The following UBE2QL1 variants were observed in gnomAD, a reference collection of about 807,000 sequenced individuals.
The protein encoded by UBE2QL1 is ubiquitin-conjugating enzyme E2Q-like protein 1.
UBE2QL1 carries 5 observed loss-of-function variants against 12.6 expected under a neutral mutation model. The ratio of observed to expected loss-of-function variants is 0.40; its 90% CI spans 0.21 to 0.83. The LOEUF is 0.83. UBE2QL1 is among the 40% of genes least tolerant of loss of function. The pLI is 0.37. For synonymous variants in UBE2QL1, 96 were observed against 94.5 expected (o/e 1.02, Z -0.10); for missense variants, 99 against 222.6 (o/e 0.44, Z 3.53).
chr5:6,481,442 A>G lies in UBE2QL1; in HGVS notation c.355-9776A>G, dbSNP rs1734359309. The stretch of plus-strand genomic sequence containing the variant: ...GGGAGGGTGACCTGCTCACGGGCCT[A>G]TGGCTAGAGAGCAGAGAGGGGGCAC... On this transcript the variant is annotated intron_variant, in intron 1 of 1. Coordinates refer to ENST00000399816, the MANE Select transcript of UBE2QL1 (RefSeq NM_001145161.3). This position sits in a 1 kb window ranked among gnomAD's most constrained non-coding sequence, Gnocchi z 4.5. Among the ~76,000 whole-genome samples the G allele has an allele frequency of 6.6e-6, 1 of 152,158 alleles. No homozygotes were observed. Among genetic ancestry groups the G allele is most frequent in the Non-Finnish European group, 1.5e-5 (1 of 68,022 alleles).
chr5:6,449,867 A>AT (rs1482739693), intron 1 of UBE2QL1, among the ~76,000 whole-genome samples: 1 of 67,204 alleles, frequency 1.5e-5, no homozygotes. Flanking sequence ...CCACCTCCCC[A>AT]ACCCCCCCCA....
Position 6,493,628 on chromosome 5 carries a change from G to T in UBE2QL1, c.*2279G>T, listed in dbSNP as rs1240353098. On this transcript the variant is annotated 3_prime_UTR_variant, in exon 2 of 2. Transcript: ENST00000399816. ...CATGGCATTTCCATTAGGTTTGTTA[G>T]AAACTTATAGAAGAAATCAATTCTT... 6.6e-6 allele frequency: 1 copy of T among 152,186 alleles called. No homozygotes were observed. Among genetic ancestry groups the T allele is most frequent in the East Asian group, 1.9e-4 (1 of 5,196 alleles). The allele number at this position is 152,186 out of a possible 1,614,324, so 9.4% of individuals were successfully genotyped here. A position where few individuals can be genotyped will look rare whatever the true frequency, so the allele number is the denominator to read the frequency against.
In UBE2QL1 at chr5:6,496,138, C is replaced by T. The variant is rs1237180799; in HGVS notation, c.*4789C>T. ...GGCCGTCCTCCCAGGTCAGTAAGGC[C>T]GCATGGAGGGATAAAGAGATCCCTG... On this transcript the variant is annotated 3_prime_UTR_variant, in exon 2 of 2. Transcript: ENST00000399816. Among the ~76,000 whole-genome samples, 6 of 152,104 alleles carry T rather than the reference C, an allele frequency of 3.9e-5. No individual in the cohort carries two copies. Among genetic ancestry groups the T allele is most frequent in the African/African-American group, 9.7e-5 (4 of 41,424 alleles).
intron 1 of UBE2QL1, among the ~76,000 whole-genome samples, chr5:6,465,733 G>A (rs188047007): frequency 3.9e-5 from 6 of 152,262 alleles, no homozygotes; most frequent in Admixed American, 1.3e-4. Flanking sequence ...CACTTCCTGC[G>A]TGGGAATCGC....
At chr5:6,463,911 G>A (rs986922772) in intron 1 of UBE2QL1, among the ~76,000 whole-genome samples, 2 of 152,080 alleles carry the variant, frequency 1.3e-5, no homozygotes, top group Admixed American at 6.6e-5. Flanking sequence ...ACAGGCATGA[G>A]CCACCGCGCC....
chr5:6,455,505 A>G (rs1739502353), intron 1 of UBE2QL1, among the ~76,000 whole-genome samples: 1 of 152,086 alleles, frequency 6.6e-6, no homozygotes, highest in Non-Finnish European at 1.5e-5. Context: ...GCTGGCCACA[A>G]GTGTTAGTCC....
chr5:6,461,936 C>T (rs1183236625), intron 1 of UBE2QL1, among the ~76,000 whole-genome samples: 2 of 152,210 alleles, frequency 1.3e-5, no homozygotes, highest in Non-Finnish European at 2.9e-5. Flanking sequence ...GCCGCAGGCT[C>T]TCAGCCCTCG....
At chr5:6,464,065 C>T (rs373627013) in intron 1 of UBE2QL1, among the ~76,000 whole-genome samples, 16 of 152,118 alleles carry the variant, frequency 1.1e-4, no homozygotes, top group Non-Finnish European at 2.2e-4. Context: ...CTCTGCCTCC[C>T]GGGTTCAAGT....
At chr5:6,487,897 G>A (rs184517942) in intron 1 of UBE2QL1, among the ~76,000 whole-genome samples, 1 of 152,340 alleles carries the variant, frequency 6.6e-6, no homozygotes, top group African/African-American at 2.4e-5. Flanking sequence ...TTGGTGCAGT[G>A]GGCACAGCAA....
intron 1 of UBE2QL1, among the ~76,000 whole-genome samples, chr5:6,485,661 G>T (rs1734452997): frequency 6.6e-6 from 1 of 152,132 alleles, no homozygotes; most frequent in South Asian, 2.1e-4. Context: ...CTGTAATTTT[G>T]GCTCAGGAAA....
chr5:6,453,858 A>T (rs1739460300), intron 1 of UBE2QL1, among the ~76,000 whole-genome samples: 1 of 152,106 alleles, frequency 6.6e-6, no homozygotes, highest in African/African-American at 2.4e-5. Context: ...GGCTCCTAAA[A>T]TCTGTGGGCT....
At chr5:6,467,746 G>A (rs188567323) in intron 1 of UBE2QL1, among the ~76,000 whole-genome samples, 258 of 152,128 alleles carry the variant, frequency 1.7e-3, no homozygotes, top group Middle Eastern at 0.01. Flanking sequence ...TCTGCCCTGC[G>A]GGCCCCACCG....
At chr5:6,463,849 G>A (rs1263735323) in intron 1 of UBE2QL1, among the ~76,000 whole-genome samples, 4 of 151,868 alleles carry the variant, frequency 2.6e-5, no homozygotes, top group Non-Finnish European at 4.4e-5. Flanking sequence ...AGATGATGTC[G>A]ATCTCCTGAC....
At position 6,493,898 on chromosome 5, in the gene UBE2QL1, T is replaced by C. The variant is rs1734622681; in HGVS notation, c.*2549T>C. Reference sequence around the variant, plus strand: ...CTTCCACCCCACTGAAGTGGACACCTGCCTCTGGAGCCCAGGGTGAGAAGG... The same window carrying C: ...CTTCCACCCCACTGAAGTGGACACCCGCCTCTGGAGCCCAGGGTGAGAAGG... On this transcript the variant is annotated 3_prime_UTR_variant, in exon 2 of 2. Coordinates refer to ENST00000399816, the MANE Select transcript of UBE2QL1 (RefSeq NM_001145161.3). 1 of 152,152 alleles carries C rather than the reference T, an allele frequency of 6.6e-6. No individual in the cohort carries two copies. Among genetic ancestry groups the C allele is most frequent in the Non-Finnish European group, 1.5e-5 (1 of 68,048 alleles). The allele number at this position is 152,152 out of a possible 1,614,324, so 9.4% of individuals were successfully genotyped here. A position where few individuals can be genotyped will look rare whatever the true frequency, so the allele number is the denominator to read the frequency against.
intron 1 of UBE2QL1, among the ~76,000 whole-genome samples, chr5:6,480,019 T>G (rs998338043): frequency 4.6e-5 from 7 of 152,214 alleles, no homozygotes; most frequent in Non-Finnish European, 8.8e-5. Flanking sequence ...CACAGGTAAT[T>G]GGTGGCCAAG....
intron 1 of UBE2QL1, among the ~76,000 whole-genome samples, chr5:6,471,783 C>T (rs891043502): frequency 7.2e-5 from 11 of 152,150 alleles, no homozygotes; most frequent in Admixed American, 2.6e-4. Context: ...TAGCTGATTC[C>T]GTAGGTAGGA....
intron 1 of UBE2QL1, among the ~76,000 whole-genome samples, chr5:6,489,161 A>G (rs910729283): frequency 1.3e-5 from 2 of 152,162 alleles, no homozygotes; most frequent in African/African-American, 4.8e-5. Context: ...ATCGTGGCAC[A>G]TGCCTGTAAT....
chr5:6,472,676 TATTA>T lies in UBE2QL1; in HGVS notation c.355-18538_355-18535del, dbSNP rs1369406053. 2.0e-5 allele frequency among the ~76,000 whole-genome samples: 3 copies of T among 152,212 alleles called. No individual in the cohort carries two copies. The East Asian group carries it at 5.8e-4, about 29-fold the overall frequency. ...TTCAGAAAATTTTTCTTTTTCCAGG[TATTA>T]ATTTTTTGTGCAAGTGTTAGACATC... On this transcript the variant is annotated intron_variant, in intron 1 of 1. Transcript: ENST00000399816.
rs1188702202 is a variant in UBE2QL1, at chr5:6,495,876, T to C, written c.*4527T>C. On this transcript the variant is annotated 3_prime_UTR_variant, in exon 2 of 2. Coordinates refer to ENST00000399816, the MANE Select transcript of UBE2QL1 (RefSeq NM_001145161.3). Reference sequence around the variant, plus strand: ...CCTCTAGTTCCCATAGTATTAAATATCATTTTTAAGCCCAGGGCCTGTCTG... The same window carrying C: ...CCTCTAGTTCCCATAGTATTAAATACCATTTTTAAGCCCAGGGCCTGTCTG... Among the ~76,000 whole-genome samples, 1 of 152,250 alleles carries C rather than the reference T, an allele frequency of 6.6e-6. No individual in the cohort carries two copies. The highest frequency in any genetic ancestry group is 1.5e-5 in the Non-Finnish European group (1 of 68,040).
Sources: allele counts gnomAD v4.1 joint callset (sites outside exome capture counted in the v4.1 genomes callset), GRCh38; gene constraint gnomAD v4.1.1; non-coding constraint Gnocchi (gnomAD v3.1); transcripts MANE v1.5; gene names NCBI Gene and HGNC (gene_info 2026-07-23, HGNC 2026-07-21).